The following FAM193A variants were observed in gnomAD, a reference collection of about 807,000 sequenced individuals.
FAM193A encodes the protein family with sequence similarity 193 member A.
In FAM193A, 22 loss-of-function variants were observed where a neutral mutation model predicts 126.5. The observed-to-expected ratio is 0.17, with a 90% CI of 0.12 to 0.25. The LOEUF (loss-of-function observed/expected upper bound fraction) is 0.25, where lower values mean the gene tolerates loss of function less well. Ranked by LOEUF, FAM193A falls within the 10% of genes least tolerant of loss-of-function variation. The pLI, the probability that FAM193A is intolerant of heterozygous loss-of-function variation, is 1.00. For synonymous variants in FAM193A, 761 were observed against 646.8 expected (o/e 1.18, Z -2.68); for missense variants, 1,675 against 1,672.8 (o/e 1.00, Z -0.02).
intron 1 of FAM193A, among the ~76,000 whole-genome samples, chr4:2,543,360 T>C (rs906936293): frequency 2.0e-5 from 3 of 152,014 alleles, no homozygotes; most frequent in Non-Finnish European, 2.9e-5. Flanking sequence ...GTGCTAGGAT[T>C]ACGGTGTGAG....
intron 2 of FAM193A, among the ~76,000 whole-genome samples, chr4:2,612,786 A>T (rs1292071401): frequency 6.6e-6 from 1 of 152,196 alleles, no homozygotes; most frequent in Non-Finnish European, 1.5e-5. Context: ...ATATATTCCT[A>T]TTCCTTTGCC....
intron 1 of FAM193A, among the ~76,000 whole-genome samples, chr4:2,544,391 C>G (rs2108807387): frequency 6.6e-6 from 1 of 151,982 alleles, no homozygotes; most frequent in Middle Eastern, 3.4e-3. Flanking sequence ...GAGACTCTGT[C>G]TCAACAAAAA....
chr4:2,535,449 T>A (rs1736827337), upstream of FAM193A, among the ~76,000 whole-genome samples: 1 of 152,124 alleles, frequency 6.6e-6, no homozygotes, highest in Non-Finnish European at 1.5e-5. Context: ...TACATCCCAA[T>A]GCCAAGCCCG....
intron 5 of FAM193A, among the ~76,000 whole-genome samples, chr4:2,632,933 G>T (rs1340295773): frequency 1.3e-5 from 2 of 152,216 alleles, no homozygotes; most frequent in African/African-American, 4.8e-5. Flanking sequence ...CTGGTGCCCA[G>T]AGAGACTCTG....
chr4:2,595,907 T>G (rs1740831599), intron 1 of FAM193A, among the ~76,000 whole-genome samples, 177 bp from the exon 2 acceptor site: 1 of 152,232 alleles, frequency 6.6e-6, no homozygotes, highest in Non-Finnish European at 1.5e-5. Context: ...ATGGCACTAT[T>G]TAAAGTATTA....
chr4:2,601,811 A>G (rs1741214581), intron 2 of FAM193A, among the ~76,000 whole-genome samples: 1 of 151,706 alleles, frequency 6.6e-6, no homozygotes, highest in African/African-American at 2.4e-5. Flanking sequence ...AAATACTTGT[A>G]CTTTGTCTGT....
chr4:2,560,881 CA>C (rs934001775), intron 1 of FAM193A, among the ~76,000 whole-genome samples: 34 of 152,244 alleles, frequency 2.2e-4, no homozygotes, highest in African/African-American at 7.9e-4. Flanking sequence ...CTCCTGGGCT[CA>C]AGTGATTCAC....
At chr4:2,653,689 A>AC (rs1283559571) in intron 7 of FAM193A, among the ~76,000 whole-genome samples, 1 of 151,972 alleles carries the variant, frequency 6.6e-6, no homozygotes, top group Non-Finnish European at 1.5e-5. Context: ...TCATCCACCC[A>AC]CCTCAGCCTC....
chr4:2,569,109 A>G (rs916357697), intron 1 of FAM193A, among the ~76,000 whole-genome samples: 2 of 150,966 alleles, frequency 1.3e-5, no homozygotes, highest in Non-Finnish European at 2.9e-5. Context: ...AACTGGGACT[A>G]CAGGTGTGCA....
chr4:2,568,015 G>A (rs1739070657), intron 1 of FAM193A, among the ~76,000 whole-genome samples: 1 of 151,972 alleles, frequency 6.6e-6, no homozygotes, highest in African/African-American at 2.4e-5. Context: ...ACTACTTCTC[G>A]TCTCCATTTC....
At position 2,650,678 on chromosome 4, in the gene FAM193A, A is replaced by G. The variant is rs561263251; in HGVS notation, c.1311+3846A>G. 4.6e-5 allele frequency among the ~76,000 whole-genome samples: 7 copies of G among 152,246 alleles called. No individual in the cohort carries two copies. In the East Asian group the frequency reaches 1.4e-3, roughly 29 times the overall value. On this transcript the variant is annotated intron_variant, in intron 7 of 20. Transcript: ENST00000637812. ...GTGTCTCTGTTGACGACATAGTGCCACCTGCTAAGTCTCTGTCTTGCCAAC... is the reference window on the plus strand; with the variant it reads ...GTGTCTCTGTTGACGACATAGTGCCGCCTGCTAAGTCTCTGTCTTGCCAAC...
intron 2 of FAM193A, among the ~76,000 whole-genome samples, chr4:2,617,771 T>C (rs760835336): frequency 2.6e-5 from 4 of 152,190 alleles, no homozygotes; most frequent in Admixed American, 6.5e-5. Flanking sequence ...GTCGTGTGTT[T>C]TTCTTACATG....
At chr4:2,576,215 A>G (rs1346492847) in intron 1 of FAM193A, among the ~76,000 whole-genome samples, 1 of 152,102 alleles carries the variant, frequency 6.6e-6, no homozygotes, top group Non-Finnish European at 1.5e-5. Context: ...TCCTTGCCTC[A>G]GCCTCCCAAG....
In FAM193A at chr4:2,689,532, T is replaced by C; in HGVS notation, c.2358T>C (p.Asn786=). 6.4e-7 allele frequency: 1 copy of C among 1,550,766 alleles called. No homozygotes were observed. Among genetic ancestry groups the C allele is most frequent in the Non-Finnish European group, 8.6e-7 (1 of 1,160,626 alleles). Residue 786 remains asparagine, a synonymous_variant, in exon 14 of 21, where the codon AAT becomes AAC. Coordinates refer to ENST00000637812, the MANE Select transcript of FAM193A (RefSeq NM_001366318.2). ...CTTTACCGCCAGCACCTGTTCAGAA[T>C]CACACAAATAAGCATCAGGTATTCA... ...SKALPPAPVQ[N]HTNKHQVFNA...
chr4:2,680,716 A>T (rs1433100776), intron 13 of FAM193A, among the ~76,000 whole-genome samples: 1 of 151,888 alleles, frequency 6.6e-6, no homozygotes, highest in Non-Finnish European at 1.5e-5. Flanking sequence ...ATCTTGGCTC[A>T]CTGCAACCTC....
intron 20 of FAM193A, among the ~76,000 whole-genome samples, chr4:2,725,890 A>C (rs1720690039): frequency 6.6e-6 from 1 of 150,664 alleles, no homozygotes. Flanking sequence ...TTTTATTTTT[A>C]TTTTTATTTT....
At chr4:2,672,666 A>AT (rs1376609464) in intron 13 of FAM193A, among the ~76,000 whole-genome samples, 4 of 152,226 alleles carry the variant, frequency 2.6e-5, no homozygotes, top group Non-Finnish European at 4.4e-5. Context: ...AACCTAGGGA[A>AT]TATTTCCACA....
chr4:2,557,300 G>T (rs750048274), intron 1 of FAM193A, among the ~76,000 whole-genome samples: 2 of 152,096 alleles, frequency 1.3e-5, no homozygotes. Flanking sequence ...TGCAGCTGTG[G>T]ATGAGGGCGA....
intron 4 of FAM193A, 48 bp downstream of exon 4, chr4:2,626,625 C>T (rs1029329308): frequency 1.5e-6 from 1 of 665,864 alleles, no homozygotes; most frequent in Admixed American, 2.0e-5. Context: ...CCCCTGCCCT[C>T]CCTGCTGCAC....
Sources: allele counts gnomAD v4.1 joint callset (sites outside exome capture counted in the v4.1 genomes callset), GRCh38; gene constraint gnomAD v4.1.1; transcripts MANE v1.5; gene names NCBI Gene and HGNC (gene_info 2026-07-23, HGNC 2026-07-21).